Variants in ERBB4 observed in about 807,000 individuals in gnomAD.
ERBB4 encodes the protein receptor tyrosine-protein kinase erbB-4.
In ERBB4, 42 loss-of-function variants were observed where a neutral mutation model predicts 158.0. That is an observed-to-expected ratio of 0.27 (90% CI 0.21 to 0.34). The LOEUF (loss-of-function observed/expected upper bound fraction) is 0.34, where lower values mean the gene tolerates loss of function less well. Among genes scored for constraint, ERBB4 ranks in the 10% least tolerant of loss-of-function variants. The pLI is 1.00. For synonymous variants in ERBB4, 583 were observed against 558.7 expected, an observed-to-expected ratio of 1.04 and a Z score of -0.61; for missense variants, 1,333 against 1,624.1, an observed-to-expected ratio of 0.82 and a Z score of 3.08.
At chr2:212,183,229 T>C (rs2081925905) in intron 1 of ERBB4, among the ~76,000 whole-genome samples, 1 of 151,796 alleles carries the variant, frequency 6.6e-6, no homozygotes, top group South Asian at 2.1e-4. Context: ...ACACTTGAGG[T>C]TGTAGTAATA....
At chr2:211,990,929 A>G (rs928214497) in intron 2 of ERBB4, among the ~76,000 whole-genome samples, 3 of 152,190 alleles carry the variant, frequency 2.0e-5, no homozygotes, top group Admixed American at 1.3e-4. Flanking sequence ...TATTATTTTC[A>G]TAATTATACA....
chr2:212,427,486 A>T (rs2091938944), intron 1 of ERBB4, among the ~76,000 whole-genome samples: 1 of 152,154 alleles, frequency 6.6e-6, no homozygotes, highest in Admixed American at 6.6e-5. Context: ...TGATTTGCAC[A>T]TTGGAAGTGG....
At chr2:211,639,177 T>C (rs1030337960) in intron 16 of ERBB4, among the ~76,000 whole-genome samples, 1 of 152,182 alleles carries the variant, frequency 6.6e-6, no homozygotes, top group South Asian at 2.1e-4. Context: ...GTAACTTTAT[T>C]ATTGTTTATA....
At position 212,538,488 on chromosome 2, in the gene ERBB4, C is replaced by T. The variant is rs751515664; in HGVS notation, c.43G>A (p.Val15Met). The T allele has an allele frequency of 2.5e-6, 4 of 1,613,986 alleles. No homozygotes were observed. Among genetic ancestry groups the T allele is most frequent in the Non-Finnish European group, 3.4e-6 (4 of 1,179,980 alleles). The change falls in exon 1 of 28, where the codon GTG (valine) becomes ATG (methionine). Residue 15 changes from valine (V) to methionine (M), a missense_variant. Coordinates refer to ENST00000342788, the MANE Select transcript of ERBB4 (RefSeq NM_005235.3). ...CTGGGCTGGACGGTCCCCGCCGCCA[C>T]GAGAAGGCTCACCCAGACCCAAAGT... ...TGLWVWVSLLVAAGTVQPSDS... is the reference protein window; with the variant it reads ...TGLWVWVSLLMAAGTVQPSDS...
At chr2:212,052,663 G>A (rs1036692824) in intron 2 of ERBB4, among the ~76,000 whole-genome samples, 2 of 152,112 alleles carry the variant, frequency 1.3e-5, no homozygotes, top group Non-Finnish European at 2.9e-5. Context: ...CTTGAAACTC[G>A]AAACTTGTAT....
intron 25 of ERBB4, among the ~76,000 whole-genome samples, chr2:211,390,593 T>C (rs748231901): frequency 5.3e-5 from 8 of 152,224 alleles, no homozygotes; most frequent in Non-Finnish European, 1.2e-4. Flanking sequence ...TTATTATCTA[T>C]ATTCATTATC....
intron 3 of ERBB4, among the ~76,000 whole-genome samples, chr2:211,856,697 A>ATT (rs1205859522): frequency 6.6e-6 from 1 of 152,018 alleles, no homozygotes; most frequent in Non-Finnish European, 1.5e-5. Context: ...TAGTCTTGTA[A>ATT]TTTCTTTCTA....
chr2:212,317,812 C>T (rs2087360437), intron 1 of ERBB4, among the ~76,000 whole-genome samples: 1 of 146,196 alleles, frequency 6.8e-6, no homozygotes, highest in African/African-American at 2.5e-5. Context: ...TGTTTAGTTT[C>T]TTCCTGTGCC....
At chr2:212,248,122 TA>T (rs1182220908) in intron 1 of ERBB4, among the ~76,000 whole-genome samples, 1 of 152,218 alleles carries the variant, frequency 6.6e-6, no homozygotes, top group Non-Finnish European at 1.5e-5. Context: ...CTTTTGTGAT[TA>T]AAAAATCAAT....
chr2:211,997,053 A>G (rs2082216549), intron 2 of ERBB4, among the ~76,000 whole-genome samples: 1 of 152,178 alleles, frequency 6.6e-6, no homozygotes, highest in South Asian at 2.1e-4. Flanking sequence ...TAGAAACAGA[A>G]GGTCTGCAAC....
At chr2:211,717,075 C>T (rs2073942793) in intron 7 of ERBB4, among the ~76,000 whole-genome samples, 2 of 152,168 alleles carry the variant, frequency 1.3e-5, no homozygotes, top group Admixed American at 6.5e-5. Flanking sequence ...TCACCCAACC[C>T]TCGGGCTTCA....
intron 2 of ERBB4, among the ~76,000 whole-genome samples, chr2:212,042,736 G>A (rs1050387716): frequency 7.2e-5 from 11 of 152,038 alleles, no homozygotes; most frequent in African/African-American, 1.2e-4. Flanking sequence ...AATAAACTTC[G>A]GAACTAATTG....
At chr2:211,744,195 T>C (rs978799279) in intron 5 of ERBB4, among the ~76,000 whole-genome samples, 1 of 152,186 alleles carries the variant, frequency 6.6e-6, no homozygotes, top group Non-Finnish European at 1.5e-5. Flanking sequence ...TTAAATGCTA[T>C]GGAGGAACAA....
At chr2:211,709,664 T>C (rs995842797) in intron 9 of ERBB4, among the ~76,000 whole-genome samples, 19 of 152,124 alleles carry the variant, frequency 1.2e-4, no homozygotes, top group Non-Finnish European at 1.3e-4. Flanking sequence ...AATCAAAGGA[T>C]TGAGTCATGT....
chr2:212,228,305 A>G (rs2083544161), intron 1 of ERBB4, among the ~76,000 whole-genome samples: 1 of 152,176 alleles, frequency 6.6e-6, no homozygotes, highest in Non-Finnish European at 1.5e-5. Flanking sequence ...GGAGGTTTTC[A>G]AACCCCAAAC....
intron 3 of ERBB4, among the ~76,000 whole-genome samples, chr2:211,931,438 C>T (rs2080172593): frequency 6.6e-6 from 1 of 151,792 alleles, no homozygotes; most frequent in East Asian, 1.9e-4. Context: ...AACTTCAGTT[C>T]CCATGTGCTC....
chr2:211,551,928 A>T (rs929751998), intron 20 of ERBB4, among the ~76,000 whole-genome samples: 1 of 152,234 alleles, frequency 6.6e-6, no homozygotes, highest in Non-Finnish European at 1.5e-5. Flanking sequence ...CGTGTAACAT[A>T]TTCAAGCCTT....
At chr2:212,301,173 T>C (rs1341856743) in intron 1 of ERBB4, among the ~76,000 whole-genome samples, 1 of 151,062 alleles carries the variant, frequency 6.6e-6, no homozygotes, top group Admixed American at 6.6e-5. Flanking sequence ...CCTTTCCTGA[T>C]TCAAGGACCT....
intron 5 of ERBB4, among the ~76,000 whole-genome samples, chr2:211,731,262 T>G (rs1392098815): frequency 6.6e-6 from 1 of 152,132 alleles, no homozygotes; most frequent in African/African-American, 2.4e-5. Flanking sequence ...TTTTTAAAAT[T>G]TTATTTCAGT....
Sources: gnomAD v4.1 joint callset for allele counts (sites outside exome capture counted in the v4.1 genomes callset) on GRCh38, gnomAD v4.1.1 for gene constraint, MANE v1.5 for transcripts, NCBI Gene and HGNC (gene_info 2026-07-23, HGNC 2026-07-21) for gene names.